Variants in PROM1 observed in about 807,000 individuals in gnomAD.
PROM1 encodes the protein prominin 1.
A neutral mutation model predicts 116.9 loss-of-function variants in PROM1; 105 were observed. That is an observed-to-expected ratio of 0.90 (90% CI 0.77 to 1.06). The LOEUF is 1.06. Ranked by LOEUF, PROM1 falls within the 50% of genes least tolerant of loss-of-function variation. PROM1 has a pLI of 0.00. For missense variants in PROM1, 1,122 were observed against 1,045.2 expected, an observed-to-expected ratio of 1.07 and a Z score of -1.01; for synonymous variants, 393 against 387.0, an observed-to-expected ratio of 1.02 and a Z score of -0.18.
chr4:16,003,607 C>T (rs1218979646), intron 13 of PROM1, among the ~76,000 whole-genome samples: 5 of 152,160 alleles, frequency 3.3e-5, no homozygotes, highest in African/African-American at 9.7e-5. Flanking sequence ...GCCTCCTACG[C>T]CCCCCTGCAA....
In PROM1 at chr4:16,009,066, T is replaced by C. The variant is rs749726796; in HGVS notation, c.1184A>G (p.Asn395Ser). 1.1e-5 allele frequency: 18 copies of C among 1,611,982 alleles called. No homozygotes were observed. Among genetic ancestry groups the C allele is most frequent in the East Asian group, 2.2e-5 (1 of 44,888 alleles). Residue 395 changes from asparagine to serine, a missense_variant, in exon 12 of 28, where the codon AAT becomes AGT. Coordinates refer to ENST00000447510, the MANE Select transcript of PROM1 (RefSeq NM_006017.3). ...VLNSIGSDID[N>S]VTQRLPIQDI... ...CTGAATAGGAAGACGCTGAGTTACA[T>C]TGTCGATATCTGAACCAATGGAATT...
chr4:15,982,696 TAG>T (rs1179131497), intron 23 of PROM1, among the ~76,000 whole-genome samples: 2 of 152,194 alleles, frequency 1.3e-5, no homozygotes, highest in African/African-American at 4.8e-5. Context: ...AGGCTGGACA[TAG>T]AGAGACGTCA....
chr4:15,975,116 T>C (rs1443260163), intron 26 of PROM1, among the ~76,000 whole-genome samples: 2 of 152,344 alleles, frequency 1.3e-5, no homozygotes, highest in South Asian at 4.1e-4. Flanking sequence ...ATGGTCATTA[T>C]AGTGAACCAC....
At chr4:16,006,196 G>A (rs1725427935) in intron 13 of PROM1, among the ~76,000 whole-genome samples, 1 of 152,220 alleles carries the variant, frequency 6.6e-6, no homozygotes, top group African/African-American at 2.4e-5. Context: ...ATGAATGAAT[G>A]AATGACAAAA....
intron 26 of PROM1, among the ~76,000 whole-genome samples, chr4:15,972,774 C>T (rs1714924041): frequency 6.6e-6 from 1 of 152,130 alleles, no homozygotes; most frequent in African/African-American, 2.4e-5. Flanking sequence ...TAAAGAAGGC[C>T]AATACATGAC....
chr4:15,980,944 T>C lies in PROM1; in HGVS notation c.2374-407A>G, dbSNP rs1463425174. ...TTTGAGTTTCAGTCCCTCTTATGAGTTGTTATTTATTTATTTATTTATTTA... is the reference window on the plus strand; with the variant it reads ...TTTGAGTTTCAGTCCCTCTTATGAGCTGTTATTTATTTATTTATTTATTTA... On this transcript the variant is annotated intron_variant, in intron 23 of 27. Transcript: ENST00000447510. Among the ~76,000 whole-genome samples the C allele has an allele frequency of 2.1e-5, 3 of 143,926 alleles. No individual in the cohort carries two copies. In the East Asian group the frequency reaches 6.2e-4, roughly 30 times the overall value. 94.4% of individuals were successfully genotyped at this position (143,926 alleles called of 152,430 possible).
chr4:16,074,010 A>G (rs545948977), intron 2 of PROM1, among the ~76,000 whole-genome samples: 11 of 152,348 alleles, frequency 7.2e-5, no homozygotes, highest in African/African-American at 2.4e-4. Flanking sequence ...GAAGCTTTCC[A>G]GTCTTTTTGA....
At chr4:16,025,361 G>A in intron 5 of PROM1, 49 bp from the exon 6 acceptor site, 1 of 1,605,344 alleles carries the variant, frequency 6.2e-7, no homozygotes. Context: ...TGTGGTCCAT[G>A]GTTCTTTGTC....
chr4:16,063,349 C>T (rs1740786304), intron 2 of PROM1, among the ~76,000 whole-genome samples: 1 of 152,198 alleles, frequency 6.6e-6, no homozygotes, highest in Admixed American at 6.5e-5. Context: ...TGTAATCCCC[C>T]ACTCTGGGAG....
chr4:15,999,276 C>T (rs1723108842), intron 14 of PROM1, among the ~76,000 whole-genome samples: 1 of 151,924 alleles, frequency 6.6e-6, no homozygotes, highest in South Asian at 2.1e-4. Flanking sequence ...TCGAGACCAT[C>T]CTGGCTAACG....
At chr4:15,996,769 G>C (rs1194742601) in intron 15 of PROM1, among the ~76,000 whole-genome samples, 1 of 152,082 alleles carries the variant, frequency 6.6e-6, no homozygotes, top group Non-Finnish European at 1.5e-5. Context: ...AATAACGCTA[G>C]GCATAGGGTT....
Position 16,037,170 on chromosome 4 carries a change from C to T in PROM1, c.277-1409G>A, listed in dbSNP as rs1244341384. Among the ~76,000 whole-genome samples the T allele has an allele frequency of 5.9e-5, 9 of 152,152 alleles. No homozygotes were observed. In the East Asian group the frequency reaches 1.5e-3, roughly 26 times the overall value. On this transcript the variant is annotated intron_variant, in intron 3 of 27. Coordinates refer to ENST00000447510, the MANE Select transcript of PROM1 (RefSeq NM_006017.3). Reference sequence around the variant, plus strand: ...TCCCGGATCCCACTGAAGCACTGCCCCTACTCTCATTCCTTGGTTGGCATT... The same window carrying T: ...TCCCGGATCCCACTGAAGCACTGCCTCTACTCTCATTCCTTGGTTGGCATT...
intron 2 of PROM1, among the ~76,000 whole-genome samples, chr4:16,058,648 G>A (rs1301827180): frequency 2.1e-5 from 3 of 145,772 alleles, no homozygotes; most frequent in Admixed American, 6.8e-5. Flanking sequence ...CTCCATCTCC[G>A]GGAAAAAAAA....
chr4:16,009,214 G>T, intron 11 of PROM1, 106 bp from the exon 12 acceptor site: 1 of 885,356 alleles, frequency 1.1e-6, no homozygotes, highest in Non-Finnish European at 1.7e-6. Context: ...TTTTTCTCAT[G>T]TCATGTATGT....
intron 26 of PROM1, among the ~76,000 whole-genome samples, chr4:15,972,910 A>G (rs139032760): frequency 1.3e-5 from 2 of 152,202 alleles, no homozygotes; most frequent in African/African-American, 4.8e-5. Flanking sequence ...GCCGGACAAC[A>G]GAGAGAAGTT....
intron 2 of PROM1, among the ~76,000 whole-genome samples, chr4:16,074,090 C>A (rs75937165): frequency 0.032 from 4,930 of 152,088 alleles, 119 homozygotes; most frequent in African/African-American, 0.057. Context: ...AACCAAGAAG[C>A]AAAGACTAAA....
chr4:16,029,193 T>C (rs1732080111), intron 5 of PROM1, among the ~76,000 whole-genome samples: 1 of 152,192 alleles, frequency 6.6e-6, no homozygotes, highest in Admixed American at 6.5e-5. Flanking sequence ...TCCACAACCT[T>C]GTAGCCTCCC....
At position 16,001,087 on chromosome 4, in the gene PROM1, T is replaced by C. The variant is rs543096400; in HGVS notation, c.1455-468A>G. On this transcript the variant is annotated intron_variant, in intron 13 of 27. Transcript: ENST00000447510. ...GTGGATGGGACATCATTGCAGAGGC[T>C]GTTATCATGGCCCATGAGGGTGGCC... 7.2e-5 allele frequency among the ~76,000 whole-genome samples: 11 copies of C among 152,298 alleles called. No individual in the cohort carries two copies. In the South Asian group the frequency reaches 2.3e-3, roughly 32 times the overall value.
chr4:16,023,062 T>C (rs1730305042), intron 8 of PROM1, among the ~76,000 whole-genome samples: 1 of 149,420 alleles, frequency 6.7e-6, no homozygotes, highest in South Asian at 2.2e-4. Flanking sequence ...TGTGTTCCGA[T>C]AAAACTGTGT....
Sources: gnomAD v4.1 joint callset for allele counts (sites outside exome capture counted in the v4.1 genomes callset) on GRCh38, gnomAD v4.1.1 for gene constraint, MANE v1.5 for transcripts, NCBI Gene and HGNC (gene_info 2026-07-23, HGNC 2026-07-21) for gene names.